ASAP2: variants seen among roughly 807,000 people sequenced by gnomAD.
The protein encoded by ASAP2 is ArfGAP with SH3 domain, ankyrin repeat and PH domain 2.
In ASAP2, 45 loss-of-function variants were observed where a neutral mutation model predicts 131.4. The observed-to-expected ratio is 0.34, with a 90% CI of 0.27 to 0.44. The LOEUF (loss-of-function observed/expected upper bound fraction) is 0.44. Ranked by LOEUF, ASAP2 falls within the 20% of genes least tolerant of loss-of-function variation. The pLI, the probability that ASAP2 is intolerant of heterozygous loss-of-function variation, is 1.00. For missense variants in ASAP2, 1,011 were observed against 1,297.0 expected, an observed-to-expected ratio of 0.78 and a Z score of 3.39; for synonymous variants, 510 against 503.0, an observed-to-expected ratio of 1.01 and a Z score of -0.19.
intron 22 of ASAP2, 122 bp downstream of exon 22, chr2:9,388,668 T>C: frequency 7.3e-7 from 1 of 1,373,678 alleles, no homozygotes; most frequent in Non-Finnish European, 9.6e-7. Context: ...GTAGTTATTT[T>C]CTGTTTGCTT....
intron 16 of ASAP2, among the ~76,000 whole-genome samples, chr2:9,370,320 T>G (rs569217646): frequency 1.4e-4 from 22 of 152,282 alleles, no homozygotes; most frequent in South Asian, 1.2e-3. Flanking sequence ...GGTGAGCGAT[T>G]TAGTTGTTGT....
chr2:9,395,594 C>CTTTTTTTTTTTTTTTTTTTTTTTTTTT lies in ASAP2; in HGVS notation c.2684+1952_2684+1978dup. On this transcript the variant is annotated intron_variant, in intron 24 of 27. Transcript: ENST00000281419. Reference sequence around the variant, plus strand: ...GTTTTGTTTTTCTTGTGTTTTTTTTCTTTTTTTTTTTTTTTTTTTTTTTTT... The same window carrying CTTTTTTTTTTTTTTTTTTTTTTTTTTT: ...GTTTTGTTTTTCTTGTGTTTTTTTTCTTTTTTTTTTTTTTTTTTTTTTTTTTTTTTTTTTTTTTTTTTTTTTTTTTTT... 3.4e-5 allele frequency among the ~76,000 whole-genome samples: 2 copies of CTTTTTTTTTTTTTTTTTTTTTTTTTTT among 59,048 alleles called. 1 individual carries two copies. Among genetic ancestry groups the CTTTTTTTTTTTTTTTTTTTTTTTTTTT allele is most frequent in the Admixed American group, 4.6e-4 (2 of 4,362 alleles). The allele number at this position is 59,048 out of a possible 152,430, so 38.7% of individuals were successfully genotyped here.
intron 1 of ASAP2, among the ~76,000 whole-genome samples, chr2:9,249,086 A>C (rs1255577246): frequency 6.6e-6 from 1 of 152,178 alleles, no homozygotes. Context: ...TGGGCTGGGC[A>C]TGTAGGGGCT....
chr2:9,313,553 C>T (rs924973202), intron 3 of ASAP2, among the ~76,000 whole-genome samples: 3 of 152,188 alleles, frequency 2.0e-5, no homozygotes, highest in African/African-American at 4.8e-5. Flanking sequence ...GTGCCTTTGG[C>T]GCTGCCCCCG....
chr2:9,218,230 G>A (rs1008694240), intron 1 of ASAP2, among the ~76,000 whole-genome samples: 1 of 152,186 alleles, frequency 6.6e-6, no homozygotes, highest in African/African-American at 2.4e-5. Context: ...TTTCCTTAGT[G>A]CAGGTTAATG....
chr2:9,399,713 A>G, intron 24 of ASAP2: 1 of 437,020 alleles, frequency 2.3e-6, no homozygotes, highest in South Asian at 2.5e-5. Context: ...GAAGGGGCTG[A>G]GCAGACTCGG....
chr2:9,324,295 C>G (rs1670346722), intron 6 of ASAP2, among the ~76,000 whole-genome samples: 1 of 152,210 alleles, frequency 6.6e-6, no homozygotes, highest in African/African-American at 2.4e-5. Flanking sequence ...CTTAAGTGGT[C>G]AGCAGAGAGG....
In ASAP2 at chr2:9,403,264, T is replaced by C; in HGVS notation, c.2958T>C (p.Ile986=). The C allele has an allele frequency of 1.2e-6, 2 of 1,614,122 alleles. No individual in the cohort carries two copies. The highest frequency in any genetic ancestry group is 1.7e-6 in the Non-Finnish European group (2 of 1,179,986). Residue 986 remains isoleucine (I), a synonymous_variant, in exon 28 of 28, where the codon ATT becomes ATC. Coordinates refer to ENST00000281419, the MANE Select transcript of ASAP2 (RefSeq NM_003887.3). ...EEDQEWWIGH[I]DGDPGRKGAF... ...TTTCTCCATTTCAGATTGGCCACAT[T>C]GATGGAGATCCTGGTCGCAAAGGCG...
intron 9 of ASAP2, among the ~76,000 whole-genome samples, chr2:9,342,688 T>C (rs1487252880): frequency 1.3e-5 from 2 of 152,178 alleles, no homozygotes; most frequent in African/African-American, 4.8e-5. Flanking sequence ...GTTTTGTGCT[T>C]CAGAATCTTT....
intron 11 of ASAP2, among the ~76,000 whole-genome samples, chr2:9,347,407 CT>C (rs1400326500): frequency 1.3e-5 from 2 of 152,194 alleles, no homozygotes; most frequent in Non-Finnish European, 2.9e-5. Context: ...TGGCCAGCAG[CT>C]CCTGAGTGTG....
At chr2:9,245,948 A>G (rs553376317) in intron 1 of ASAP2, among the ~76,000 whole-genome samples, 1 of 152,166 alleles carries the variant, frequency 6.6e-6, no homozygotes, top group Non-Finnish European at 1.5e-5. Flanking sequence ...ATTTGATTAT[A>G]TAATAATTAA....
chr2:9,280,835 T>G (rs951464275), intron 2 of ASAP2, among the ~76,000 whole-genome samples: 6 of 152,264 alleles, frequency 3.9e-5, no homozygotes, highest in African/African-American at 1.4e-4. Flanking sequence ...ACTGTGTATC[T>G]TGTGCTTTCT....
At chr2:9,292,887 G>A (rs1386027670) in intron 2 of ASAP2, among the ~76,000 whole-genome samples, 1 of 152,226 alleles carries the variant, frequency 6.6e-6, no homozygotes, top group African/African-American at 2.4e-5. Flanking sequence ...GTGATTGAAG[G>A]TGAGTTGGCT....
chr2:9,312,208 C>T (rs1388467168), intron 3 of ASAP2, among the ~76,000 whole-genome samples: 6 of 152,174 alleles, frequency 3.9e-5, no homozygotes, highest in Non-Finnish European at 8.8e-5. Flanking sequence ...TCCAGGCAAC[C>T]ACTGATCTAC....
intron 1 of ASAP2, among the ~76,000 whole-genome samples, chr2:9,228,584 G>A (rs938564231): frequency 3.9e-5 from 6 of 152,154 alleles, no homozygotes; most frequent in Non-Finnish European, 7.3e-5. Context: ...AGAGTGAGCG[G>A]CCCCCATCTT....
intron 1 of ASAP2, among the ~76,000 whole-genome samples, chr2:9,249,574 A>G (rs1273700451): frequency 6.6e-6 from 1 of 152,206 alleles, no homozygotes; most frequent in African/African-American, 2.4e-5. Flanking sequence ...AATTCCTGGG[A>G]AGGAAATGCC....
chr2:9,292,345 C>T (rs1667868511), intron 2 of ASAP2, among the ~76,000 whole-genome samples: 1 of 151,970 alleles, frequency 6.6e-6, no homozygotes, highest in South Asian at 2.1e-4. Context: ...TGGTGAAACC[C>T]CATCTCTACT....
rs147816119 is a variant in ASAP2 at position 9,245,535 on chromosome 2, CT to C, written c.127-33777del. ...TGTAACCTACACTTAGTTTCTGAGT[CT>C]TTTTGGTGTGTGTTGCTCGAATATC... is the stretch of plus-strand genomic sequence containing the variant. On this transcript the variant is annotated intron_variant, in intron 1 of 27. Transcript: ENST00000281419. Among the ~76,000 whole-genome samples, 687 of 152,310 alleles carry C rather than the reference CT, an allele frequency of 4.5e-3. 4 individuals carry two copies. The highest frequency in any genetic ancestry group is 0.016 in the African/African-American group (655 of 41,568).
chr2:9,235,345 C>T (rs1663473661), intron 1 of ASAP2, among the ~76,000 whole-genome samples: 1 of 152,204 alleles, frequency 6.6e-6, no homozygotes, highest in Admixed American at 6.5e-5. Context: ...GTAGCCAAGG[C>T]AGCCTTGCCT....
Sources: gnomAD v4.1 joint callset for allele counts (sites outside exome capture counted in the v4.1 genomes callset) on GRCh38, gnomAD v4.1.1 for gene constraint, MANE v1.5 for transcripts, NCBI Gene and HGNC (gene_info 2026-07-23, HGNC 2026-07-21) for gene names.